The following CDH4 variants were observed in gnomAD, a reference collection of about 807,000 sequenced individuals.
The protein encoded by CDH4 is cadherin 4.
Under a neutral mutation model 86.0 loss-of-function variants are expected in CDH4, and 33 were observed. The ratio of observed to expected loss-of-function variants is 0.38; its 90% CI spans 0.29 to 0.51. The LOEUF (loss-of-function observed/expected upper bound fraction) is 0.51. Among genes scored for constraint, CDH4 ranks in the 20% least tolerant of loss-of-function variants. CDH4 has a pLI of 0.86. For missense variants in CDH4, 1,114 were observed against 1,307.4 expected (o/e 0.85, Z 2.28); for synonymous variants, 555 against 549.4 (o/e 1.01, Z -0.14).
In CDH4 at chr20:61,254,950, G is replaced by A. The variant is rs1251914558; in HGVS notation, c.169+13G>A. The A allele has an allele frequency of 2.1e-5, 31 of 1,447,448 alleles. No homozygotes were observed. Among genetic ancestry groups the A allele is most frequent in the Non-Finnish European group, 3.0e-5 (31 of 1,028,040 alleles). The allele number at this position is 1,447,448 out of a possible 1,614,324, so 89.7% of individuals were successfully genotyped here. A position where few individuals can be genotyped will look rare whatever the true frequency, so the allele number is the denominator to read the frequency against. ...AAGCTACTTCAAGGTAAGGCGGGGT[G>A]TGGAGGGGTGGGAGTGAATTGCTGC... On this transcript the variant is annotated intron_variant, in intron 2 of 15. Coordinates refer to ENST00000614565, the MANE Select transcript of CDH4 (RefSeq NM_001794.5).
intron 7 of CDH4, among the ~76,000 whole-genome samples, chr20:61,882,828 C>CG (rs1984345325): frequency 6.6e-6 from 1 of 151,778 alleles, no homozygotes. Flanking sequence ...CCCAGCCCCC[C>CG]GCCCCTTCCT....
chr20:61,564,425 T>G (rs148539810), intron 2 of CDH4, among the ~76,000 whole-genome samples: 174 of 152,226 alleles, frequency 1.1e-3, no homozygotes, highest in African/African-American at 3.7e-3. Context: ...CATGAATGGT[T>G]TAGCGCCTTC....
chr20:61,283,541 GCGTGTGCTGTGGTGTGTGATGTAGGTGCA>G lies in CDH4; in HGVS notation c.169+28605_169+28633del, dbSNP rs1568781199. Among the ~76,000 whole-genome samples the G allele has an allele frequency of 3.3e-3, 454 of 137,090 alleles. 36 individuals carry two copies. The highest frequency in any genetic ancestry group is 7.8e-3 in the Middle Eastern group (2 of 256). 89.9% of individuals were successfully genotyped at this position (137,090 alleles called of 152,430 possible). A position where few individuals can be genotyped will look rare whatever the true frequency, so the allele number is the denominator to read the frequency against. On this transcript the variant is annotated intron_variant, in intron 2 of 15. Coordinates refer to ENST00000614565, the MANE Select transcript of CDH4 (RefSeq NM_001794.5). ...GTGTGTGATGTAGGTGCATTTACAC[GCGTGTGCTGTGGTGTGTGATGTAGGTGCA>G]TTTGCACGTGTGTGCTGTGGTGTGT...
intron 4 of CDH4, among the ~76,000 whole-genome samples, chr20:61,821,053 C>G (rs1980998724): frequency 6.6e-6 from 1 of 151,574 alleles, no homozygotes; most frequent in Non-Finnish European, 1.5e-5. Flanking sequence ...AGCTTTCACC[C>G]CCTGCCAGCT....
chr20:61,777,836 T>A (rs201607842), intron 4 of CDH4, among the ~76,000 whole-genome samples: 20,738 of 69,316 alleles, frequency 0.3, 2,604 homozygotes, highest in East Asian at 0.5. Context: ...GCGCACGCAC[T>A]TGCATACAAA....
chr20:61,455,639 T>G (rs374898723), intron 2 of CDH4, among the ~76,000 whole-genome samples: 1 of 152,326 alleles, frequency 6.6e-6, no homozygotes, highest in South Asian at 2.1e-4. Flanking sequence ...CCATGTGCCA[T>G]GCAGGGTGCA....
Position 61,383,133 on chromosome 20 carries a change from TATATATATGA to T in CDH4, c.169+128213_169+128222del, listed in dbSNP as rs1478655955. Among the ~76,000 whole-genome samples the T allele has an allele frequency of 2.6e-4, 22 of 84,604 alleles. 1 individual carries two copies. The highest frequency in any genetic ancestry group is 4.7e-4 in the Admixed American group (4 of 8,598). The allele number at this position is 84,604 out of a possible 152,430, so 55.5% of individuals were successfully genotyped here. On this transcript the variant is annotated intron_variant, in intron 2 of 15. Transcript: ENST00000614565. Reference sequence around the variant, plus strand: ...ATATATAGAATATATATGAATATATTATATATATGAATATATATGAATATATTATATATAT... The same window carrying T: ...ATATATAGAATATATATGAATATATTATATATATGAATATATTATATATAT...
At position 61,608,436 on chromosome 20, in the gene CDH4, G is replaced by A. The variant is rs536411645; in HGVS notation, c.170-135127G>A. ...AGTGGAACTGCTACGACCCCAGCACGTGTCCAGCAGCACCTGGCCCTGCAG... is the reference window on the plus strand; with the variant it reads ...AGTGGAACTGCTACGACCCCAGCACATGTCCAGCAGCACCTGGCCCTGCAG... On this transcript the variant is annotated intron_variant, in intron 2 of 15. Transcript: ENST00000614565. 9.8e-5 allele frequency among the ~76,000 whole-genome samples: 15 copies of A among 152,296 alleles called. No individual in the cohort carries two copies. In the South Asian group the frequency reaches 3.1e-3, roughly 32 times the overall value.
At chr20:61,882,055 C>G (rs563764636) in intron 7 of CDH4, among the ~76,000 whole-genome samples, 2 of 152,338 alleles carry the variant, frequency 1.3e-5, no homozygotes, top group Admixed American at 6.5e-5. Context: ...CTCCCTCAAG[C>G]CCCTGGATGG....
At chr20:61,627,962 C>A (rs896454536) in intron 2 of CDH4, among the ~76,000 whole-genome samples, 4 of 152,154 alleles carry the variant, frequency 2.6e-5, no homozygotes, top group African/African-American at 9.6e-5. Context: ...TTCCCCATGG[C>A]CTTTCAGGGG....
intron 2 of CDH4, among the ~76,000 whole-genome samples, chr20:61,430,751 T>C (rs944262557): frequency 2.6e-5 from 4 of 152,220 alleles, no homozygotes; most frequent in Non-Finnish European, 5.9e-5. Flanking sequence ...CACCTTCACA[T>C]TAACCGAAAA....
rs187987632 is a variant in CDH4 at position 61,829,177 on chromosome 20, C to G, written c.577-15491C>G. Reference sequence around the variant, plus strand: ...GCAGTCGCTTCTCCTTCCCTGGCCTCGCCCCCAGCAGCCAATAACGTACTT... The same window carrying G: ...GCAGTCGCTTCTCCTTCCCTGGCCTGGCCCCCAGCAGCCAATAACGTACTT... On this transcript the variant is annotated intron_variant, in intron 4 of 15. Coordinates refer to ENST00000614565, the MANE Select transcript of CDH4 (RefSeq NM_001794.5). The surrounding 1 kb of genome is among the most constrained non-coding windows in gnomAD (Gnocchi z 4.2). 6.6e-6 allele frequency among the ~76,000 whole-genome samples: 1 copy of G among 152,210 alleles called. No individual in the cohort carries two copies. Among genetic ancestry groups the G allele is most frequent in the Admixed American group, 6.5e-5 (1 of 15,284 alleles).
At chr20:61,541,581 A>G (rs1169358180) in intron 2 of CDH4, among the ~76,000 whole-genome samples, 1 of 152,158 alleles carries the variant, frequency 6.6e-6, no homozygotes, top group Non-Finnish European at 1.5e-5. Context: ...AAGGAATAAG[A>G]CCGGTGTAGA....
rs1248575260 is a variant in CDH4, at chr20:61,910,472, C to G, written c.1239C>G (p.Leu413=). ...ENRVETVVAN[L]TVMDRDQPHS... ...GCGTGGAGACCGTGGTCGCAAACCTCACGGTGATGGACCGAGATCAGCCCC... is the reference window on the plus strand; with the variant it reads ...GCGTGGAGACCGTGGTCGCAAACCTGACGGTGATGGACCGAGATCAGCCCC... Residue 413 remains leucine (L), a synonymous_variant, in exon 9 of 16, where the codon CTC becomes CTG. Coordinates refer to ENST00000614565, the MANE Select transcript of CDH4 (RefSeq NM_001794.5). 1 of 1,613,848 alleles carries G rather than the reference C, an allele frequency of 6.2e-7. No homozygotes were observed. The highest frequency in any genetic ancestry group is 8.5e-7 in the Non-Finnish European group (1 of 1,180,038).
In CDH4 at chr20:61,894,850, C is replaced by T. The variant is rs747474112; in HGVS notation, c.1051-60C>T. The stretch of plus-strand genomic sequence containing the variant: ...TAAACGGATTTCTTTTGATAAGTGC[C>T]CTGTCAATTAAAACCCAAACTGATT... On this transcript the variant is annotated intron_variant, in intron 7 of 15. Coordinates refer to ENST00000614565, the MANE Select transcript of CDH4 (RefSeq NM_001794.5). 1,066 of 1,548,934 alleles carry T rather than the reference C, an allele frequency of 6.9e-4. 1 individual carries two copies. Among genetic ancestry groups the T allele is most frequent in the Non-Finnish European group, 8.9e-4 (1,010 of 1,140,282 alleles).
At position 61,292,481 on chromosome 20, in the gene CDH4, C is replaced by T. The variant is rs190174529; in HGVS notation, c.169+37544C>T. On this transcript the variant is annotated intron_variant, in intron 2 of 15. Transcript: ENST00000614565. The stretch of plus-strand genomic sequence containing the variant: ...GGTTCTCAAAGGGGGCAAGTCCAGC[C>T]CCAGGGGCACTGGGCAACTACTGGA... 4.5e-4 allele frequency among the ~76,000 whole-genome samples: 68 copies of T among 152,330 alleles called. 2 individuals are homozygous for T. In the East Asian group the frequency reaches 0.012, roughly 27 times the overall value.
chr20:61,876,407 G>A (rs770562990), intron 7 of CDH4, among the ~76,000 whole-genome samples: 3 of 152,218 alleles, frequency 2.0e-5, no homozygotes, highest in African/African-American at 4.8e-5. Context: ...ACTCTATATC[G>A]GCCGCGAGAG....
intron 2 of CDH4, among the ~76,000 whole-genome samples, chr20:61,373,186 AC>A (rs532803898): frequency 6.1e-4 from 92 of 151,820 alleles, no homozygotes; most frequent in African/African-American, 2.1e-3. Context: ...CCGTCTCAAC[AC>A]CCAGGTGTGT....
chr20:61,435,033 G>T (rs2145521687), intron 2 of CDH4, among the ~76,000 whole-genome samples: 1 of 152,264 alleles, frequency 6.6e-6, no homozygotes, highest in Admixed American at 6.5e-5. Flanking sequence ...TGGGTGTCCT[G>T]CAGCCTTCAT....
Sources: gnomAD v4.1 joint callset for allele counts (sites outside exome capture counted in the v4.1 genomes callset) on GRCh38, gnomAD v4.1.1 for gene constraint, Gnocchi (gnomAD v3.1) non-coding constraint, MANE v1.5 for transcripts, NCBI Gene and HGNC (gene_info 2026-07-23, HGNC 2026-07-21) for gene names.